Variants in C19orf47 observed in about 807,000 individuals in gnomAD.
C19orf47 encodes the protein uncharacterized protein C19orf47.
Under a neutral mutation model 32.3 loss-of-function variants are expected in C19orf47, and 18 were observed. That is an observed-to-expected ratio of 0.56 (90% CI 0.39 to 0.83). C19orf47 has a LOEUF of 0.83. Among genes scored for constraint, C19orf47 ranks in the 40% least tolerant of loss-of-function variants. The pLI is 0.00. For synonymous variants in C19orf47, 202 were observed against 211.1 expected (o/e 0.96, Z 0.37); for missense variants, 484 against 531.6 (o/e 0.91, Z 0.88).
intron 1 of C19orf47, among the ~76,000 whole-genome samples, chr19:40,346,111 G>C (rs574842373): frequency 7.0e-6 from 1 of 143,558 alleles, no homozygotes; most frequent in African/African-American, 2.6e-5. Context: ...AGCCGAAACT[G>C]TACCACTACA....
intron 5 of C19orf47, among the ~76,000 whole-genome samples, chr19:40,330,944 C>A (rs1018795125): frequency 4.6e-5 from 7 of 152,294 alleles, no homozygotes; most frequent in African/African-American, 1.7e-4. Context: ...GGGATTCTGG[C>A]AGGCTGGTCA....
chr19:40,295,679 G>A, the C19orf47 span, among the ~76,000 whole-genome samples: 11 of 151,658 alleles, frequency 7.3e-5, no homozygotes, highest in South Asian at 1.0e-3. Flanking sequence ...CAGGTGATCC[G>A]CCCGCCTCAG....
At position 40,319,868 on chromosome 19, in the gene C19orf47, GCGCA is replaced by G. The variant is rs1361373905; in HGVS notation, c.*2010_*2013del. 1.3e-5 allele frequency: 2 copies of G among 153,996 alleles called. No homozygotes were observed. Among genetic ancestry groups the G allele is most frequent in the Non-Finnish European group, 2.9e-5 (2 of 68,340 alleles). The allele number at this position is 153,996 out of a possible 1,614,324, so 9.5% of individuals were successfully genotyped here. On this transcript the variant is annotated 3_prime_UTR_variant, in exon 9 of 9. Transcript: ENST00000683109. Reference sequence around the variant, plus strand: ...TTGGCTTTGATTCCAGCTGTACCCTGCGCACTGTCAGCAGCCATGAACCCCCAGC... The same window carrying G: ...TTGGCTTTGATTCCAGCTGTACCCTGCTGTCAGCAGCCATGAACCCCCAGC...
the C19orf47 span, among the ~76,000 whole-genome samples, chr19:40,307,456 T>C: frequency 1.3e-5 from 2 of 152,132 alleles, no homozygotes; most frequent in South Asian, 4.1e-4. Flanking sequence ...TGGAATGCAG[T>C]GGCATGAGCT....
chr19:40,297,100 A>C, the C19orf47 span, among the ~76,000 whole-genome samples: 1 of 152,242 alleles, frequency 6.6e-6, no homozygotes, highest in Non-Finnish European at 1.5e-5. Context: ...ACTTGGGTAC[A>C]TCTTTGGTAA....
the C19orf47 span, among the ~76,000 whole-genome samples, chr19:40,295,801 C>T: frequency 6.6e-6 from 1 of 151,898 alleles, no homozygotes; most frequent in Admixed American, 6.6e-5. Context: ...GGCTGGAGCG[C>T]AGCGTCGCAA....
the C19orf47 span, among the ~76,000 whole-genome samples, chr19:40,308,799 G>T: frequency 2.0e-5 from 3 of 152,050 alleles, no homozygotes; most frequent in Admixed American, 2.0e-4. Context: ...CAAAAGCACA[G>T]TGGCTCAAGC....
rs962348822 is a variant in C19orf47 at position 40,328,700 on chromosome 19, T to C, written c.302-150A>G. The C allele has an allele frequency of 6.7e-6, 7 of 1,052,390 alleles. No individual in the cohort carries two copies. In the Admixed American group the frequency reaches 1.9e-4, roughly 29 times the overall value. The allele number at this position is 1,052,390 out of a possible 1,614,324, so 65.2% of individuals were successfully genotyped here. The stretch of plus-strand genomic sequence containing the variant: ...CCCTGTAACTGCATGGTACTCGTGA[T>C]GGGGATGCTTGGGGGCAGGGTGGGC... On this transcript the variant is annotated intron_variant, in intron 5 of 8. Coordinates refer to ENST00000683109, the MANE Select transcript of C19orf47 (RefSeq NM_001256441.2).
At chr19:40,336,089 G>A in intron 4 of C19orf47, 21 bp downstream of exon 4, 2 of 1,608,260 alleles carry the variant, frequency 1.2e-6, no homozygotes, top group Non-Finnish European at 8.5e-7. Flanking sequence ...CAGAGACAGA[G>A]GGGCTGGGCA....
chr19:40,345,110 C>A (rs2078246896), intron 1 of C19orf47, among the ~76,000 whole-genome samples: 1 of 152,158 alleles, frequency 6.6e-6, no homozygotes, highest in Non-Finnish European at 1.5e-5. Context: ...TTAATGCTAA[C>A]CAGAATCCTT....
rs1317907247 is a variant in C19orf47, at chr19:40,321,912, C to G, written c.1128G>C (p.Val376=). ...AGGTCCTGCGGCCCAGTCTTTTGAA[C>G]ACGCTCACAGTGCCCGCGTGGTCCA... is the stretch of plus-strand genomic sequence containing the variant. ...AQMDHAGTVS[V]FKRLGRRTF Residue 376 remains valine (V), a synonymous_variant, in exon 9 of 9, where the codon GTG becomes GTC. Coordinates refer to ENST00000683109, the MANE Select transcript of C19orf47 (RefSeq NM_001256441.2). 1 of 1,609,034 alleles carries G rather than the reference C, an allele frequency of 6.2e-7. No individual in the cohort carries two copies. The highest frequency in any genetic ancestry group is 1.7e-5 in the Admixed American group (1 of 59,248).
At chr19:40,345,159 C>A (rs1211509148) in intron 1 of C19orf47, among the ~76,000 whole-genome samples, 1 of 152,180 alleles carries the variant, frequency 6.6e-6, no homozygotes, top group African/African-American at 2.4e-5. Flanking sequence ...ACAGACCCTA[C>A]TGAATTCAAT....
At chr19:40,298,201 A>T in the C19orf47 span, among the ~76,000 whole-genome samples, 1 of 151,548 alleles carries the variant, frequency 6.6e-6, no homozygotes, top group Non-Finnish European at 1.5e-5. Context: ...CTTTTCAACA[A>T]CAATCGTGCT....
intron 2 of C19orf47, among the ~76,000 whole-genome samples, chr19:40,336,631 G>A (rs531392939): frequency 4.7e-4 from 72 of 152,276 alleles, no homozygotes; most frequent in African/African-American, 1.7e-3. Flanking sequence ...GATAGGGAAA[G>A]GTTGGGCAAC....
At chr19:40,340,975 CA>C (rs34578402) in intron 2 of C19orf47, among the ~76,000 whole-genome samples, 14,886 of 102,854 alleles carry the variant, frequency 0.14, 1,206 homozygotes, top group African/African-American at 0.33. Context: ...GAGCCTGTCT[CA>C]AAAAAAAAAA....
intron 7 of C19orf47, chr19:40,324,576 T>C (rs927281120): frequency 1.9e-5 from 3 of 159,060 alleles, no homozygotes; most frequent in Non-Finnish European, 4.2e-5. Flanking sequence ...TTATGGAACA[T>C]GGGCCAGGCA....
chr19:40,310,180 C>T, the C19orf47 span, among the ~76,000 whole-genome samples: 4 of 152,158 alleles, frequency 2.6e-5, no homozygotes, highest in South Asian at 8.3e-4. Flanking sequence ...TATTATTTAG[C>T]CGATAAAGGA....
At chr19:40,326,273 G>T in intron 7 of C19orf47, 61 bp downstream of exon 7, 1 of 1,596,678 alleles carries the variant, frequency 6.3e-7, no homozygotes. Context: ...GACGGGCCCT[G>T]TGTGATGCAG....
intron 5 of C19orf47, among the ~76,000 whole-genome samples, chr19:40,332,261 G>A (rs977643471): frequency 1.3e-5 from 2 of 152,054 alleles, no homozygotes; most frequent in Non-Finnish European, 2.9e-5. Flanking sequence ...GGGTGACTGA[G>A]GCACAAGAAT....
Sources: allele counts gnomAD v4.1 joint callset (sites outside exome capture counted in the v4.1 genomes callset), GRCh38; gene constraint gnomAD v4.1.1; transcripts MANE v1.5; gene names NCBI Gene and HGNC (gene_info 2026-07-23, HGNC 2026-07-21).